Variants in TENM4 observed in about 807,000 individuals in gnomAD.
TENM4 encodes the protein teneurin-4.
A neutral mutation model predicts 243.3 loss-of-function variants in TENM4; 82 were observed. The observed-to-expected ratio is 0.34, with a 90% CI of 0.28 to 0.40. TENM4 has a LOEUF of 0.40. TENM4 is among the 10% of genes least tolerant of loss of function. The probability of loss-of-function intolerance (pLI) is 1.00; values close to 1 mark genes in which losing one functional copy is unlikely to be tolerated. For synonymous variants in TENM4, 1,412 were observed against 1,456.3 expected, an observed-to-expected ratio of 0.97 and a Z score of 0.69; for missense variants, 3,138 against 3,673.3, an observed-to-expected ratio of 0.85 and a Z score of 3.77.
At chr11:78,991,857 G>A (rs1858055139) in intron 6 of TENM4, among the ~76,000 whole-genome samples, 1 of 152,176 alleles carries the variant, frequency 6.6e-6, no homozygotes, top group Non-Finnish European at 1.5e-5. Context: ...CAAAACACTG[G>A]CTTCCTCACC....
intron 1 of TENM4, among the ~76,000 whole-genome samples, chr11:79,379,374 C>T (rs1857955849): frequency 6.6e-6 from 1 of 152,110 alleles, no homozygotes; most frequent in African/African-American, 2.4e-5. Context: ...CTGTTATAGC[C>T]GTGTTATCGG....
chr11:78,675,732 A>T (rs1051330473), intron 30 of TENM4, among the ~76,000 whole-genome samples: 14 of 152,180 alleles, frequency 9.2e-5, no homozygotes, highest in African/African-American at 3.4e-4. Flanking sequence ...ATGGTAATAA[A>T]TCATAACAAT....
chr11:79,353,573 A>T (rs1857449830), intron 1 of TENM4, among the ~76,000 whole-genome samples: 1 of 152,174 alleles, frequency 6.6e-6, no homozygotes. Flanking sequence ...CTAATGTATC[A>T]TGGTTTACAA....
At chr11:79,399,697 A>G (rs1416575392) in intron 1 of TENM4, among the ~76,000 whole-genome samples, 1 of 152,156 alleles carries the variant, frequency 6.6e-6, no homozygotes, top group African/African-American at 2.4e-5. Context: ...AAAAAAAGAG[A>G]GAAACAGAAA....
chr11:79,074,027 G>A (rs563522452), intron 4 of TENM4, among the ~76,000 whole-genome samples: 1 of 152,222 alleles, frequency 6.6e-6, no homozygotes, highest in South Asian at 2.1e-4. Context: ...TGAAGACATT[G>A]GCATCAAGGC....
At chr11:78,956,337 C>T (rs939773375) in intron 6 of TENM4, among the ~76,000 whole-genome samples, 8 of 151,978 alleles carry the variant, frequency 5.3e-5, no homozygotes, top group Non-Finnish European at 7.4e-5. Context: ...AAAGGGGGCC[C>T]GACAGCAGAC....
At chr11:78,919,978 G>A (rs1052527886) in intron 6 of TENM4, among the ~76,000 whole-genome samples, 16 of 152,226 alleles carry the variant, frequency 1.1e-4, no homozygotes, top group African/African-American at 3.6e-4. Context: ...TGCTTGTCCA[G>A]CTAGCACACT....
chr11:79,377,011 C>T (rs1467566979), intron 1 of TENM4, among the ~76,000 whole-genome samples: 7 of 152,150 alleles, frequency 4.6e-5, no homozygotes, highest in Non-Finnish European at 1.0e-4. Context: ...ATCCTGGATT[C>T]GCTGGTTGGA....
chr11:79,351,296 T>TG (rs1857411629), intron 1 of TENM4, among the ~76,000 whole-genome samples: 1 of 152,228 alleles, frequency 6.6e-6, no homozygotes, highest in African/African-American at 2.4e-5. Context: ...ATTGTGTTGC[T>TG]GTCTGCCTTC....
chr11:78,838,565 T>C (rs1310430383), intron 12 of TENM4, among the ~76,000 whole-genome samples: 1 of 152,192 alleles, frequency 6.6e-6, no homozygotes, highest in African/African-American at 2.4e-5. Flanking sequence ...GAAATTTATT[T>C]TGGCATATGG....
At chr11:79,129,793 C>A (rs774525310) in intron 4 of TENM4, among the ~76,000 whole-genome samples, 1 of 152,112 alleles carries the variant, frequency 6.6e-6, no homozygotes, top group African/African-American at 2.4e-5. Flanking sequence ...ATGGTCCTTT[C>A]GTACCCACCC....
chr11:78,878,115 C>T (rs1474765394), intron 9 of TENM4, among the ~76,000 whole-genome samples: 1 of 152,196 alleles, frequency 6.6e-6, no homozygotes, highest in Non-Finnish European at 1.5e-5. Context: ...ACACTTTCCA[C>T]CTTTGATCTC....
At chr11:79,379,015 C>T (rs936822237) in intron 1 of TENM4, among the ~76,000 whole-genome samples, 5 of 152,150 alleles carry the variant, frequency 3.3e-5, no homozygotes, top group Admixed American at 1.3e-4. Flanking sequence ...CAAGCCTCTG[C>T]CCTCATAGAG....
chr11:78,831,356 C>G (rs565831856), intron 12 of TENM4, among the ~76,000 whole-genome samples: 1 of 152,250 alleles, frequency 6.6e-6, no homozygotes, highest in Admixed American at 6.5e-5. Context: ...CAGCTCCCAG[C>G]TCCTGGCCGG....
chr11:79,065,140 G>A (rs1045005856), intron 5 of TENM4, 133 bp from the exon 6 acceptor site: 10 of 1,363,216 alleles, frequency 7.3e-6, no homozygotes, highest in Non-Finnish European at 8.6e-6. Flanking sequence ...CTATGCCCAT[G>A]CCTTTGTTCA....
rs529398558 is a variant in TENM4 at position 78,901,689 on chromosome 11, A to C, written c.749+1579T>G. Among the ~76,000 whole-genome samples, 468 of 152,250 alleles carry C rather than the reference A, an allele frequency of 3.1e-3. 2 individuals carry two copies. Among genetic ancestry groups the C allele is most frequent in the Admixed American group, 5.6e-3 (85 of 15,290 alleles). ...TCCAGTCATGTTCGGTCTTTCAATG[A>C]GCACATTGGAAATAATGGAGATCTG... On this transcript the variant is annotated intron_variant, in intron 7 of 33. Transcript: ENST00000278550.
chr11:78,698,404 A>AAACCAACCAACC (rs375751143), intron 28 of TENM4, among the ~76,000 whole-genome samples: 4,291 of 151,854 alleles, frequency 0.028, 171 homozygotes, highest in African/African-American at 0.089. Context: ...AAACCGAACC[A>AAACCAACCAACC]AACCAACCAA....
At chr11:79,168,845 T>G (rs1362810948) in intron 3 of TENM4, among the ~76,000 whole-genome samples, 3 of 152,188 alleles carry the variant, frequency 2.0e-5, no homozygotes, top group Non-Finnish European at 2.9e-5. Flanking sequence ...TCAAGAAACC[T>G]TGCTCATCCC....
intron 4 of TENM4, among the ~76,000 whole-genome samples, chr11:79,122,311 G>A (rs1024593901): frequency 6.6e-6 from 1 of 152,176 alleles, no homozygotes; most frequent in Non-Finnish European, 1.5e-5. Context: ...TATTTGTCGG[G>A]CACTGTTACT....
Sources: allele counts gnomAD v4.1 joint callset (sites outside exome capture counted in the v4.1 genomes callset), GRCh38; gene constraint gnomAD v4.1.1; transcripts MANE v1.5; gene names NCBI Gene and HGNC (gene_info 2026-07-23, HGNC 2026-07-21).